ELMO1: variants seen among roughly 807,000 people sequenced by gnomAD.
ELMO1 encodes the protein engulfment and cell motility 1, also known as engulfment and cell motility protein 1.
Under a neutral mutation model 98.9 loss-of-function variants are expected in ELMO1, and 26 were observed. The observed-to-expected ratio is 0.26, with a 90% CI of 0.19 to 0.36. ELMO1 has a LOEUF of 0.36. Among genes scored for constraint, ELMO1 ranks in the 10% least tolerant of loss-of-function variants. The pLI is 1.00. For synonymous variants in ELMO1, 346 were observed against 346.0 expected (o/e 1.00, Z 0.00); for missense variants, 627 against 935.2 (o/e 0.67, Z 4.30).
chr7:37,427,579 G>A (rs1461810556), intron 1 of ELMO1, among the ~76,000 whole-genome samples: 1 of 152,194 alleles, frequency 6.6e-6, no homozygotes, highest in Non-Finnish European at 1.5e-5. Flanking sequence ...ATGATATTCT[G>A]CAAACATTTT....
chr7:36,980,017 T>C (rs1251234530), intron 16 of ELMO1, among the ~76,000 whole-genome samples: 1 of 152,176 alleles, frequency 6.6e-6, no homozygotes, highest in African/African-American at 2.4e-5. Flanking sequence ...ATGATGCCAG[T>C]GAACAGCTCT....
intron 16 of ELMO1, among the ~76,000 whole-genome samples, chr7:37,006,700 G>A (rs1032086132): frequency 6.0e-4 from 92 of 152,086 alleles, no homozygotes; most frequent in African/African-American, 2.0e-3. Context: ...GGGTGATTGG[G>A]GAAAAATACC....
At chr7:36,917,127 G>A (rs1397308474) in intron 16 of ELMO1, among the ~76,000 whole-genome samples, 5 of 152,152 alleles carry the variant, frequency 3.3e-5, no homozygotes, top group African/African-American at 1.2e-4. Flanking sequence ...TTTAAAATAT[G>A]AATAACATGA....
At chr7:36,964,774 C>A (rs891331827) in intron 16 of ELMO1, among the ~76,000 whole-genome samples, 1 of 152,162 alleles carries the variant, frequency 6.6e-6, no homozygotes, top group Non-Finnish European at 1.5e-5. Context: ...CCTGCGCATA[C>A]ACAACGCATA....
At chr7:37,144,038 TCCACCCCCTC>T (rs1787823986) in intron 13 of ELMO1, among the ~76,000 whole-genome samples, 1 of 152,056 alleles carries the variant, frequency 6.6e-6, no homozygotes, top group Non-Finnish European at 1.5e-5. Flanking sequence ...TTATAATTTC[TCCACCCCCTC>T]AGACATTATA....
intron 5 of ELMO1, among the ~76,000 whole-genome samples, chr7:37,263,712 A>G (rs1403625432): frequency 6.6e-6 from 1 of 152,184 alleles, no homozygotes; most frequent in African/African-American, 2.4e-5. Context: ...CAAAGCCCTG[A>G]TTCAGGTGGA....
intron 14 of ELMO1, among the ~76,000 whole-genome samples, chr7:37,119,283 G>A (rs924213344): frequency 6.6e-6 from 1 of 152,162 alleles, no homozygotes; most frequent in Non-Finnish European, 1.5e-5. Flanking sequence ...GGAAGGAAAG[G>A]GCATAAGGTT....
chr7:37,423,297 T>C (rs556106651), intron 1 of ELMO1, among the ~76,000 whole-genome samples: 3 of 152,304 alleles, frequency 2.0e-5, no homozygotes, highest in African/African-American at 7.2e-5. Flanking sequence ...AACTCACAGT[T>C]GGCCGGGCGT....
At chr7:37,036,832 A>G (rs948376179) in intron 15 of ELMO1, among the ~76,000 whole-genome samples, 1 of 152,208 alleles carries the variant, frequency 6.6e-6, no homozygotes, top group Non-Finnish European at 1.5e-5. Context: ...TAAGGATCCA[A>G]TGACCCAAAA....
intron 16 of ELMO1, among the ~76,000 whole-genome samples, chr7:37,000,246 T>C (rs898221408): frequency 6.6e-5 from 10 of 152,188 alleles, no homozygotes; most frequent in African/African-American, 2.4e-4. Context: ...TAAGAACACA[T>C]AGTGGCCAGG....
chr7:37,355,395 G>C (rs746846918), intron 1 of ELMO1, among the ~76,000 whole-genome samples: 1 of 152,214 alleles, frequency 6.6e-6, no homozygotes, highest in Non-Finnish European at 1.5e-5. Context: ...CACATCTGTA[G>C]TCCAGTCTCA....
In ELMO1 at chr7:36,869,954, G is replaced by C. The variant is rs182535650; in HGVS notation, c.1905+439C>G. On this transcript the variant is annotated intron_variant, in intron 20 of 21. Transcript: ENST00000310758. ...GTCAGCTGCTCTCTGCCTGTCCCAGGCTTCGCTGAGATCCCGGGGAGGATA... is the reference window on the plus strand; with the variant it reads ...GTCAGCTGCTCTCTGCCTGTCCCAGCCTTCGCTGAGATCCCGGGGAGGATA... Among the ~76,000 whole-genome samples, 25 of 152,338 alleles carry C rather than the reference G, an allele frequency of 1.6e-4. 1 individual carries two copies. The highest frequency in any genetic ancestry group is 5.8e-4 in the African/African-American group (24 of 41,580).
At chr7:37,374,915 C>A (rs1802269311) in intron 1 of ELMO1, among the ~76,000 whole-genome samples, 1 of 151,912 alleles carries the variant, frequency 6.6e-6, no homozygotes, top group Non-Finnish European at 1.5e-5. Context: ...CAAAAATTAG[C>A]CGGGCGTGGT....
Position 36,855,464 on chromosome 7 carries a change from G to A in ELMO1, c.*87C>T. On this transcript the variant is annotated 3_prime_UTR_variant, in exon 22 of 22. Transcript: ENST00000310758. The surrounding 1 kb of genome is among the most constrained non-coding windows in gnomAD (Gnocchi z 4.2). The stretch of plus-strand genomic sequence containing the variant: ...CACAGCTTCCCTTTACCAAAGGACG[G>A]TTCCAAGGCGTGGGTGTGTTTTCAT... 6.5e-7 allele frequency: 1 copy of A among 1,542,516 alleles called. No individual in the cohort carries two copies.
intron 15 of ELMO1, among the ~76,000 whole-genome samples, chr7:37,087,309 C>G (rs75318548): frequency 0.014 from 2,157 of 152,200 alleles, 13 homozygotes; most frequent in Non-Finnish European, 0.022. Flanking sequence ...TTTTCCAGAT[C>G]AAGGAGAAAT....
chr7:37,414,639 G>A (rs1804137925), intron 1 of ELMO1, among the ~76,000 whole-genome samples: 1 of 152,206 alleles, frequency 6.6e-6, no homozygotes, highest in Non-Finnish European at 1.5e-5. Flanking sequence ...AACCCTAAAT[G>A]ACCCAGAGAG....
chr7:37,420,365 C>T (rs1399121635), intron 1 of ELMO1, among the ~76,000 whole-genome samples: 5 of 152,364 alleles, frequency 3.3e-5, no homozygotes, highest in African/African-American at 1.2e-4. Context: ...CCGTAATCTT[C>T]AGAGCCTTCC....
At chr7:37,173,449 C>A (rs1790302869) in intron 13 of ELMO1, among the ~76,000 whole-genome samples, 1 of 152,194 alleles carries the variant, frequency 6.6e-6, no homozygotes, top group South Asian at 2.1e-4. Flanking sequence ...TTCAAATCTG[C>A]CTCGGATTAT....
At chr7:37,365,034 G>A (rs1054821202) in intron 1 of ELMO1, among the ~76,000 whole-genome samples, 1 of 152,076 alleles carries the variant, frequency 6.6e-6, no homozygotes, top group Non-Finnish European at 1.5e-5. Flanking sequence ...ACCCCCACAC[G>A]TTTCCATCTG....
Sources: gnomAD v4.1 joint callset for allele counts (sites outside exome capture counted in the v4.1 genomes callset) on GRCh38, gnomAD v4.1.1 for gene constraint, Gnocchi (gnomAD v3.1) non-coding constraint, MANE v1.5 for transcripts, NCBI Gene and HGNC (gene_info 2026-07-23, HGNC 2026-07-21) for gene names.